The following ANXA3 variants were observed in gnomAD, a reference collection of about 807,000 sequenced individuals.
The protein encoded by ANXA3 is annexin A3, also known as 35-alpha calcimedin.
A neutral mutation model predicts 48.8 loss-of-function variants in ANXA3; 46 were observed. That is an observed-to-expected ratio of 0.94 (90% CI 0.74 to 1.21). The LOEUF is 1.21. ANXA3 is among the 50% of genes most tolerant of loss of function. ANXA3 has a pLI of 0.00. For synonymous variants in ANXA3, 128 were observed against 134.7 expected, an observed-to-expected ratio of 0.95 and a Z score of 0.35; for missense variants, 383 against 378.6, an observed-to-expected ratio of 1.01 and a Z score of -0.10.
chr4:78,578,394 GGA>G (rs1216563210), intron 3 of ANXA3, among the ~76,000 whole-genome samples: 4 of 145,262 alleles, frequency 2.8e-5, no homozygotes, highest in Non-Finnish European at 4.5e-5. Flanking sequence ...AGGGAGGGAG[GGA>G]GAGAGAGATG....
chr4:78,590,590 T>A (rs911595396), intron 6 of ANXA3, among the ~76,000 whole-genome samples: 1 of 152,084 alleles, frequency 6.6e-6, no homozygotes, highest in Non-Finnish European at 1.5e-5. Context: ...CACCACCCCA[T>A]GGATGGGGCA....
At chr4:78,605,169 C>G (rs910902669) in intron 12 of ANXA3, among the ~76,000 whole-genome samples, 2 of 152,038 alleles carry the variant, frequency 1.3e-5, no homozygotes, top group African/African-American at 4.8e-5. Flanking sequence ...CTGTGTTGCC[C>G]AGGCTGAAGT....
chr4:78,590,359 G>C (rs1011537390), intron 6 of ANXA3, among the ~76,000 whole-genome samples: 1 of 152,192 alleles, frequency 6.6e-6, no homozygotes, highest in East Asian at 1.9e-4. Flanking sequence ...TCATAAAAAA[G>C]AGACTTACTA....
At chr4:78,583,521 G>A (rs894334156) in intron 5 of ANXA3, among the ~76,000 whole-genome samples, 5 of 151,964 alleles carry the variant, frequency 3.3e-5, no homozygotes, top group African/African-American at 9.7e-5. Flanking sequence ...CTATTTGGGA[G>A]GCTGAGGTGG....
chr4:78,563,568 A>G (rs895439091), intron 2 of ANXA3, among the ~76,000 whole-genome samples: 3 of 152,192 alleles, frequency 2.0e-5, no homozygotes, highest in African/African-American at 4.8e-5. Context: ...GGTGCCGTAT[A>G]TGAACCATAA....
chr4:78,594,209 A>G (rs1176829168), intron 7 of ANXA3, among the ~76,000 whole-genome samples: 1 of 152,108 alleles, frequency 6.6e-6, no homozygotes, highest in Non-Finnish European at 1.5e-5. Context: ...AGGTTCCTCT[A>G]TGTCTTTTCA....
intron 11 of ANXA3, chr4:78,603,532 G>A (rs1723587899): frequency 6.6e-6 from 1 of 152,138 alleles, no homozygotes; most frequent in African/African-American, 2.4e-5. Flanking sequence ...TCCTCAAGAT[G>A]AGTCTCAAAG....
intron 5 of ANXA3, among the ~76,000 whole-genome samples, chr4:78,583,228 G>A (rs1185726023): frequency 1.3e-5 from 2 of 152,142 alleles, no homozygotes; most frequent in African/African-American, 2.4e-5. Flanking sequence ...TGTAGTCCCA[G>A]CTACTTGGGA....
At chr4:78,565,826 G>A (rs1447385675) in intron 2 of ANXA3, among the ~76,000 whole-genome samples, 2 of 152,170 alleles carry the variant, frequency 1.3e-5, no homozygotes, top group Non-Finnish European at 2.9e-5. Flanking sequence ...TCAGAAGGGG[G>A]AAGAAATAGC....
In ANXA3 at chr4:78,595,393, G is replaced by A; in HGVS notation, c.496G>A (p.Glu166Lys). ...TCCTCCTGTTTAGGGCAGAAGAGAT[G>A]AAAGTCTGAAAGTGGATGAGCATCT... ...LLTLADGRRD[E>K]SLKVDEHLAK... Residue 166 changes from glutamate to lysine, a missense_variant, in exon 8 of 13, where the codon GAA (glutamate) becomes AAA (lysine). Physicochemically the swap from Glu to Lys is moderately conservative, Grantham distance 56. Transcript: ENST00000264908. 6.2e-7 allele frequency: 1 copy of A among 1,613,224 alleles called. No individual in the cohort carries two copies. Among genetic ancestry groups the A allele is most frequent in the Non-Finnish European group, 8.5e-7 (1 of 1,179,742 alleles).
chr4:78,555,783 G>T (rs748077890), intron 2 of ANXA3, among the ~76,000 whole-genome samples: 5 of 151,862 alleles, frequency 3.3e-5, no homozygotes, highest in Non-Finnish European at 7.4e-5. Flanking sequence ...CCCAAGAGGT[G>T]GAGGCTGCAG....
intron 2 of ANXA3, among the ~76,000 whole-genome samples, chr4:78,567,414 T>C (rs886655781): frequency 6.6e-6 from 1 of 152,196 alleles, no homozygotes; most frequent in Non-Finnish European, 1.5e-5. Context: ...GTAATCCCCA[T>C]AGGTTCTTAG....
rs765876792 is a variant in ANXA3 at position 78,554,446 on chromosome 4, T to C, written c.-28T>C. ...GTTTTCTTTTAATAGATTAGTGTGA[T>C]CTCAGCTCAAGGCAAAGGTGGGATA... is the stretch of plus-strand genomic sequence containing the variant. On this transcript the variant is annotated 5_prime_UTR_variant, in exon 2 of 13. Transcript: ENST00000264908. The C allele has an allele frequency of 6.2e-7, 1 of 1,608,680 alleles. No homozygotes were observed. The highest frequency in any genetic ancestry group is 2.2e-5 in the East Asian group (1 of 44,794).
intron 2 of ANXA3, among the ~76,000 whole-genome samples, chr4:78,559,971 T>C (rs1722592453): frequency 6.6e-6 from 1 of 152,236 alleles, no homozygotes; most frequent in African/African-American, 2.4e-5. Flanking sequence ...CAACTGTTTT[T>C]GTAGAGGGGC....
rs41278059 is a variant in ANXA3 at position 78,586,264 on chromosome 4, C to T, written c.317C>T (p.Ala106Val). The change falls in exon 6 of 13, where the codon GCG (alanine) becomes GTG (valine). Residue 106 changes from alanine to valine, a missense_variant. Coordinates refer to ENST00000264908, the MANE Select transcript of ANXA3 (RefSeq NM_005139.3). Reference protein sequence around the residue: ...AKQLKKSMKGAGTNEDALIEI... With the variant: ...AKQLKKSMKGVGTNEDALIEI... Reference sequence around the variant, plus strand: ...AGATTTTCTTTTCCTTTTTAGGGCGCGGGAACAAACGAAGATGCCTTGATT... The same window carrying T: ...AGATTTTCTTTTCCTTTTTAGGGCGTGGGAACAAACGAAGATGCCTTGATT... The T allele has an allele frequency of 0.011, 18,389 of 1,612,312 alleles. 141 individuals are homozygous for T. The highest frequency in any genetic ancestry group is 0.028 in the African/African-American group (2,101 of 74,894).
At chr4:78,598,038 A>G (rs1222847183) in intron 10 of ANXA3, among the ~76,000 whole-genome samples, 1 of 152,090 alleles carries the variant, frequency 6.6e-6, no homozygotes. Context: ...TTTGTTGAAA[A>G]CTGAGACGTA....
At chr4:78,595,242 G>T in intron 7 of ANXA3, 139 bp from the exon 8 acceptor site, 1 of 881,126 alleles carries the variant, frequency 1.1e-6, no homozygotes, top group Non-Finnish European at 1.8e-6. Context: ...ACCAGAACTG[G>T]AGCCCTGAGT....
intron 2 of ANXA3, among the ~76,000 whole-genome samples, chr4:78,565,285 C>A (rs770594899): frequency 9.9e-5 from 15 of 152,136 alleles, no homozygotes; most frequent in Non-Finnish European, 1.9e-4. Flanking sequence ...CCTGGCCCGA[C>A]TTAGATCTTT....
intron 2 of ANXA3, among the ~76,000 whole-genome samples, chr4:78,567,600 A>G (rs1722758732): frequency 6.6e-6 from 1 of 152,214 alleles, no homozygotes; most frequent in Non-Finnish European, 1.5e-5. Context: ...ATTTTTTGTA[A>G]CAAGACAATA....
Sources: allele counts gnomAD v4.1 joint callset (sites outside exome capture counted in the v4.1 genomes callset), GRCh38; gene constraint gnomAD v4.1.1; transcripts MANE v1.5; gene names NCBI Gene and HGNC (gene_info 2026-07-23, HGNC 2026-07-21).